Variants in TMEM117 observed in about 807,000 individuals in gnomAD.
The protein encoded by TMEM117 is transmembrane protein 117.
Under a neutral mutation model 52.4 loss-of-function variants are expected in TMEM117, and 27 were observed. That is an observed-to-expected ratio of 0.51 (90% confidence interval 0.38 to 0.71). The LOEUF (loss-of-function observed/expected upper bound fraction) is 0.71, where lower values mean the gene tolerates loss of function less well. TMEM117 is among the 30% of genes least tolerant of loss of function. The pLI is 0.00. For missense variants in TMEM117, 556 were observed against 630.5 expected (o/e 0.88, Z 1.26); for synonymous variants, 215 against 206.3 (o/e 1.04, Z -0.36).
At chr12:44,339,576 A>T (rs1214970171) in intron 6 of TMEM117, among the ~76,000 whole-genome samples, 5 of 152,084 alleles carry the variant, frequency 3.3e-5, no homozygotes. Flanking sequence ...ACATTAATAT[A>T]CTATACAGAT....
intron 5 of TMEM117, among the ~76,000 whole-genome samples, chr12:44,241,828 A>G (rs1396967056): frequency 2.6e-5 from 4 of 152,000 alleles, no homozygotes; most frequent in East Asian, 1.9e-4. Flanking sequence ...AGTCTTCTCT[A>G]TAGATCCATT....
At chr12:44,115,567 A>G (rs575962271) in intron 3 of TMEM117, among the ~76,000 whole-genome samples, 8 of 151,880 alleles carry the variant, frequency 5.3e-5, no homozygotes, top group Non-Finnish European at 8.8e-5. Context: ...AAGTCATATA[A>G]CTTGTTATTT....
At chr12:44,184,698 G>A (rs1342720891) in intron 4 of TMEM117, among the ~76,000 whole-genome samples, 2 of 152,140 alleles carry the variant, frequency 1.3e-5, no homozygotes, top group Admixed American at 1.3e-4. Context: ...CTTTCCTAGA[G>A]CCTCCAGAAA....
rs559847732 is a variant in TMEM117 at position 44,096,160 on chromosome 12, C to T, written c.411-47365C>T. On this transcript the variant is annotated intron_variant, in intron 3 of 7. Transcript: ENST00000266534. ...ACCTAGGAATCCAACTTACAAGGGA[C>T]ATGAAGGACTTCTTCAAGGAGAACT... is the stretch of plus-strand genomic sequence containing the variant. 3.6e-4 allele frequency among the ~76,000 whole-genome samples: 55 copies of T among 152,114 alleles called. No individual in the cohort carries two copies. In the East Asian group the frequency reaches 6.0e-3, roughly 17 times the overall value.
chr12:44,241,366 T>C (rs932004786), intron 5 of TMEM117, among the ~76,000 whole-genome samples: 2 of 151,874 alleles, frequency 1.3e-5, no homozygotes, highest in Admixed American at 6.6e-5. Context: ...TCAAAATTTT[T>C]AATCCTTGTC....
At chr12:44,349,326 A>G (rs1164778622) in intron 6 of TMEM117, among the ~76,000 whole-genome samples, 1 of 152,064 alleles carries the variant, frequency 6.6e-6, no homozygotes, top group Non-Finnish European at 1.5e-5. Context: ...TAAACAAACA[A>G]TACGTCAGTT....
intron 3 of TMEM117, among the ~76,000 whole-genome samples, chr12:44,087,326 TTG>T (rs954881150): frequency 7.2e-5 from 11 of 152,182 alleles, no homozygotes; most frequent in Non-Finnish European, 1.3e-4. Context: ...TGGATTTTTC[TTG>T]TGTGTGCCTT....
intron 2 of TMEM117, among the ~76,000 whole-genome samples, chr12:43,895,745 G>A (rs781746928): frequency 5.9e-5 from 9 of 152,112 alleles, no homozygotes; most frequent in Non-Finnish European, 8.8e-5. Context: ...GTGATATTCC[G>A]TACACCATGC....
the TMEM117 span, among the ~76,000 whole-genome samples, chr12:43,799,226 CTTT>C: frequency 2.6e-5 from 4 of 151,640 alleles, no homozygotes; most frequent in East Asian, 3.9e-4. Flanking sequence ...TTCATTTTAA[CTTT>C]TTTTTTCTGA....
chr12:44,385,311 G>T (rs917993408), intron 7 of TMEM117, among the ~76,000 whole-genome samples: 1 of 152,286 alleles, frequency 6.6e-6, no homozygotes, highest in Admixed American at 6.5e-5. Flanking sequence ...GGACACATGA[G>T]AAATAATAAA....
At chr12:44,138,646 C>T (rs576264260) in intron 3 of TMEM117, among the ~76,000 whole-genome samples, 3 of 152,214 alleles carry the variant, frequency 2.0e-5, no homozygotes, top group South Asian at 2.1e-4. Flanking sequence ...GGTTCAGATG[C>T]AATTTTAATC....
In TMEM117 at chr12:44,289,793, C is replaced by T. The variant is rs1256776195; in HGVS notation, c.609-9787C>T. 5.3e-5 allele frequency among the ~76,000 whole-genome samples: 8 copies of T among 152,160 alleles called. No homozygotes were observed. In the South Asian group the frequency reaches 1.7e-3, roughly 32 times the overall value. On this transcript the variant is annotated intron_variant, in intron 5 of 7. Coordinates refer to ENST00000266534, the MANE Select transcript of TMEM117 (RefSeq NM_032256.3). ...GGTCTCAAACTCCTTCCTGATCCGC[C>T]CGCCTCAGCTTCCCAAAGTGCTGGG...
At chr12:44,157,823 G>C (rs1948848023) in intron 4 of TMEM117, among the ~76,000 whole-genome samples, 1 of 152,076 alleles carries the variant, frequency 6.6e-6, no homozygotes, top group South Asian at 2.1e-4. Context: ...ATTAAAATAA[G>C]TGACTAAAAA....
At chr12:43,863,052 C>T (rs1440317988) in intron 2 of TMEM117, among the ~76,000 whole-genome samples, 2 of 151,970 alleles carry the variant, frequency 1.3e-5, no homozygotes, top group South Asian at 2.1e-4. Context: ...TCTAGCATTT[C>T]AGGAGGCCTG....
intron 2 of TMEM117, among the ~76,000 whole-genome samples, chr12:43,933,532 T>G (rs1944905465): frequency 1.3e-5 from 2 of 152,020 alleles, no homozygotes; most frequent in Non-Finnish European, 2.9e-5. Flanking sequence ...TTGGGAACTA[T>G]ACTTTCTATC....
At chr12:43,998,338 TTATC>T (rs755090060) in intron 3 of TMEM117, among the ~76,000 whole-genome samples, 48 of 152,226 alleles carry the variant, frequency 3.2e-4, no homozygotes, top group Non-Finnish European at 5.7e-4. Flanking sequence ...TAGTATATCT[TTATC>T]TATCCATTTA....
chr12:44,001,603 C>T (rs1304613815), intron 3 of TMEM117, among the ~76,000 whole-genome samples: 3 of 151,456 alleles, frequency 2.0e-5, no homozygotes, highest in Admixed American at 6.6e-5. Flanking sequence ...TTGGACAGGT[C>T]AGGAGGCAAT....
Position 44,369,946 on chromosome 12 carries a change from G to A in TMEM117, c.769-6649G>A, listed in dbSNP as rs1012102775. Among the ~76,000 whole-genome samples the A allele has an allele frequency of 7.2e-5, 11 of 152,276 alleles. No individual in the cohort carries two copies. The East Asian group carries it at 2.1e-3, about 29-fold the overall frequency. ...ATAAGAGAAAAGGGGAGTTGTCAAA[G>A]GACATCTAGGAAGTAACCTCCTGCA... is the stretch of plus-strand genomic sequence containing the variant. On this transcript the variant is annotated intron_variant, in intron 6 of 7. Coordinates refer to ENST00000266534, the MANE Select transcript of TMEM117 (RefSeq NM_032256.3).
chr12:43,914,882 A>G (rs1944574020), intron 2 of TMEM117, among the ~76,000 whole-genome samples: 1 of 152,132 alleles, frequency 6.6e-6, no homozygotes. Context: ...ATTTGGTGGT[A>G]TAAGTTCTGG....
Sources: allele counts gnomAD v4.1 joint callset (sites outside exome capture counted in the v4.1 genomes callset), GRCh38; gene constraint gnomAD v4.1.1; transcripts MANE v1.5; gene names NCBI Gene and HGNC (gene_info 2026-07-23, HGNC 2026-07-21).